The following SIM1 variants were observed in gnomAD, a reference collection of about 807,000 sequenced individuals.
The protein encoded by SIM1 is single-minded homolog 1.
In SIM1, 18 loss-of-function variants were observed where a neutral mutation model predicts 78.2. The observed-to-expected ratio is 0.23, with a 90% CI of 0.16 to 0.34. SIM1 has a LOEUF of 0.34. SIM1 is among the 10% of genes least tolerant of loss of function. The pLI, the probability that SIM1 is intolerant of heterozygous loss-of-function variation, is 1.00. For synonymous variants in SIM1, 417 were observed against 385.2 expected, an observed-to-expected ratio of 1.08 and a Z score of -0.97; for missense variants, 939 against 975.1, an observed-to-expected ratio of 0.96 and a Z score of 0.49.
intron 10 of SIM1, among the ~76,000 whole-genome samples, chr6:100,418,892 G>T (rs1042453127): frequency 7.9e-5 from 12 of 152,110 alleles, no homozygotes; most frequent in African/African-American, 2.9e-4. Context: ...TCCTGGCCAG[G>T]CATGGTGGCT....
At position 100,391,019 on chromosome 6, in the gene SIM1, C is replaced by A; in HGVS notation, c.1643G>T (p.Arg548Leu). The A allele has an allele frequency of 6.2e-7, 1 of 1,614,116 alleles. No homozygotes were observed. The highest frequency in any genetic ancestry group is 1.1e-5 in the South Asian group (1 of 91,072). ...DPGSASESGD[R>L]YRTEQYQSSP... ...ACTTTGATACTGCTCAGTACGATAT[C>A]GGTCACCTGATTCACTGGCCGACCC... The change falls in exon 12 of 12, where the codon CGA (arginine) becomes CTA (leucine). Residue 548 changes from arginine to leucine, a missense_variant. By Grantham distance (102) the Arg-to-Leu change is moderately radical. Coordinates refer to ENST00000369208, the MANE Select transcript of SIM1 (RefSeq NM_005068.3).
chr6:100,394,353 G>A (rs1449485508), intron 10 of SIM1, among the ~76,000 whole-genome samples: 1 of 152,182 alleles, frequency 6.6e-6, no homozygotes, highest in Non-Finnish European at 1.5e-5. Context: ...TACCCTAACA[G>A]TATTGCCAAA....
intron 2 of SIM1, among the ~76,000 whole-genome samples, chr6:100,457,958 T>C (rs1463641271): frequency 1.3e-5 from 2 of 151,886 alleles, no homozygotes; most frequent in Non-Finnish European, 2.9e-5. Context: ...AATGTTACTG[T>C]AAATGTGGGG....
chr6:100,433,279 C>A (rs2114520837), intron 9 of SIM1, among the ~76,000 whole-genome samples: 1 of 152,316 alleles, frequency 6.6e-6, no homozygotes, highest in East Asian at 1.9e-4. Context: ...CTTCTAGCAT[C>A]ATCTCCTTCC....
At chr6:100,404,261 G>A (rs1189288477) in intron 10 of SIM1, among the ~76,000 whole-genome samples, 2 of 152,194 alleles carry the variant, frequency 1.3e-5, no homozygotes, top group Non-Finnish European at 2.9e-5. Flanking sequence ...TCTGGATGTG[G>A]CAGCAACCAC....
Position 100,412,651 on chromosome 6 carries a change from AAGAAAGAG to A in SIM1, c.1167+8131_1167+8138del, listed in dbSNP as rs1347378353. On this transcript the variant is annotated intron_variant, in intron 10 of 11. Coordinates refer to ENST00000369208, the MANE Select transcript of SIM1 (RefSeq NM_005068.3). The stretch of plus-strand genomic sequence containing the variant: ...AAGAAAGAAAGAAAAGAAAGAAAGA[AAGAAAGAG>A]AGAGAGAGAGAGAGAAAGAAAGAAA... Among the ~76,000 whole-genome samples, 633 of 102,902 alleles carry A rather than the reference AAGAAAGAG, an allele frequency of 6.2e-3. 44 individuals carry two copies. Among genetic ancestry groups the A allele is most frequent in the East Asian group, 0.023 (45 of 1,936 alleles). The allele number at this position is 102,902 out of a possible 152,430, so 67.5% of individuals were successfully genotyped here.
chr6:100,462,315 C>A (rs968801637), intron 2 of SIM1, among the ~76,000 whole-genome samples: 1 of 152,136 alleles, frequency 6.6e-6, no homozygotes, highest in African/African-American at 2.4e-5. Flanking sequence ...TCTGAATCCC[C>A]TTCCCCCAGC....
chr6:100,420,838 G>T lies in SIM1; in HGVS notation c.1119C>A (p.Ser373=), dbSNP rs1372436385. The T allele has an allele frequency of 6.2e-7, 1 of 1,613,986 alleles. No individual in the cohort carries two copies. The highest frequency in any genetic ancestry group is 8.5e-7 in the Non-Finnish European group (1 of 1,180,026). ...TMTDNRKGAK[S]RLSSSKSKSR... is the part of the protein sequence containing the mutation. ...ATTTTGACTTTGAGCTGGAGAGCCGGGATTTGGCCCCCTTTCTGTTGTCAG... is the reference window on the plus strand; with the variant it reads ...ATTTTGACTTTGAGCTGGAGAGCCGTGATTTGGCCCCCTTTCTGTTGTCAG... The change falls in exon 10 of 12, where the codon TCC becomes TCA. Residue 373 remains serine, a synonymous_variant. Coordinates refer to ENST00000369208, the MANE Select transcript of SIM1 (RefSeq NM_005068.3).
intron 10 of SIM1, among the ~76,000 whole-genome samples, chr6:100,396,862 ATGTAGTGTG>A (rs1026921030): frequency 2.0e-5 from 3 of 152,182 alleles, no homozygotes; most frequent in African/African-American, 7.2e-5. Context: ...CAGCCAATAT[ATGTAGTGTG>A]TGCGGTGCAA....
chr6:100,462,555 A>G (rs1425202061), intron 2 of SIM1: 2 of 152,184 alleles, frequency 1.3e-5, no homozygotes, highest in Non-Finnish European at 2.9e-5. Context: ...GCCTTATAAG[A>G]CAATTTTCTC....
At chr6:100,454,029 A>T (rs945549730) in intron 2 of SIM1, among the ~76,000 whole-genome samples, 185 bp from the exon 3 acceptor site, 1 of 152,212 alleles carries the variant, frequency 6.6e-6, no homozygotes, top group Non-Finnish European at 1.5e-5. Context: ...TCAGCTTCTC[A>T]GCAGAGGTTA....
At chr6:100,422,711 A>G (rs940476514) in intron 9 of SIM1, among the ~76,000 whole-genome samples, 4 of 152,326 alleles carry the variant, frequency 2.6e-5, no homozygotes, top group East Asian at 3.9e-4. Context: ...ACACGCACAC[A>G]TAATGATGAA....
chr6:100,397,818 A>G (rs531841218), intron 10 of SIM1, among the ~76,000 whole-genome samples: 8 of 152,302 alleles, frequency 5.3e-5, no homozygotes, highest in South Asian at 4.1e-4. Flanking sequence ...AGAACTCCCA[A>G]AAATCAACAA....
intron 9 of SIM1, among the ~76,000 whole-genome samples, chr6:100,424,846 C>A (rs1771684792): frequency 6.6e-6 from 1 of 152,184 alleles, no homozygotes; most frequent in Non-Finnish European, 1.5e-5. Context: ...ACCTTCCAAA[C>A]TGTGTGACAA....
At chr6:100,408,906 G>C (rs1177808766) in intron 10 of SIM1, among the ~76,000 whole-genome samples, 1 of 152,038 alleles carries the variant, frequency 6.6e-6, no homozygotes, top group African/African-American at 2.4e-5. Flanking sequence ...TTCAGTATCA[G>C]GGTAATGTTG....
rs778257271 is a variant in SIM1, at chr6:100,448,646, G to A, written c.576C>T (p.Arg192=). The A allele has an allele frequency of 1.4e-5, 23 of 1,613,020 alleles. No homozygotes were observed. In the East Asian group the frequency reaches 4.9e-4, roughly 34 times the overall value. Residue 192 remains arginine (R), a synonymous_variant, in exon 7 of 12, where the codon CGC becomes CGT. Transcript: ENST00000369208. ...VIHCSGYLKI[R]QYSLDMSPFD... ...AGGGGGACATGTCCAGGCTGTACTG[G>A]CGGATCTTCAAGTAGCCGCTGCAGT...
chr6:100,448,108 C>A (rs746827999), intron 8 of SIM1, 38 bp downstream of exon 8: 6 of 1,541,700 alleles, frequency 3.9e-6, no homozygotes, highest in South Asian at 2.3e-5. Context: ...AGCGGATGCG[C>A]CAAGGTTGCT....
At position 100,463,363 on chromosome 6, in the gene SIM1, G is replaced by C; in HGVS notation, c.106C>G (p.Gln36Glu). The C allele has an allele frequency of 6.2e-7, 1 of 1,614,096 alleles. No homozygotes were observed. Among genetic ancestry groups the C allele is most frequent in the Non-Finnish European group, 8.5e-7 (1 of 1,179,988 alleles). ...LLPLPSAITS[Q>E]LDKASIIRLT... is the part of the protein sequence containing the mutation. The stretch of plus-strand genomic sequence containing the variant: ...CTGATTATGGATGCTTTGTCCAGCT[G>C]CGAGGTGATAGCCGAGGGCAAAGGC... Residue 36 changes from glutamine (Q) to glutamate (E), a missense_variant, in exon 2 of 12, where the codon CAG becomes GAG. Around this residue, in one of 5 missense-constraint regions of SIM1, gnomAD observed 121 missense variants for 124.6 expected, o/e 0.97. Transcript: ENST00000369208.
chr6:100,389,513 C>T lies in SIM1; in HGVS notation c.*848G>A, dbSNP rs933732861. The T allele has an allele frequency of 1.5e-5, 6 of 397,724 alleles. No homozygotes were observed. Among genetic ancestry groups the T allele is most frequent in the African/African-American group, 1.0e-4 (5 of 48,598 alleles). 24.6% of individuals were successfully genotyped at this position (397,724 alleles called of 1,614,324 possible). On this transcript the variant is annotated 3_prime_UTR_variant, in exon 12 of 12. Transcript: ENST00000369208. ...ATATGTTGTTTACTTATGCTGAGCC[C>T]TTAAATTGTGTTAAACTTTGAGATA...
Sources: gnomAD v4.1 joint callset for allele counts (sites outside exome capture counted in the v4.1 genomes callset) on GRCh38, gnomAD v4.1.1 for gene constraint, gnomAD v4.1.1 regional missense constraint, MANE v1.5 for transcripts, NCBI Gene and HGNC (gene_info 2026-07-23, HGNC 2026-07-21) for gene names.